Variants in ARHGEF38 observed in about 807,000 individuals in gnomAD.
ARHGEF38 encodes the protein Rho guanine nucleotide exchange factor (GEF) 38.
In ARHGEF38, 79 loss-of-function variants were observed where a neutral mutation model predicts 79.9. The ratio of observed to expected loss-of-function variants is 0.99; its 90% confidence interval spans 0.82 to 1.19. The LOEUF is 1.19. ARHGEF38 is among the 50% of genes most tolerant of loss of function. ARHGEF38 has a pLI of 0.00. For missense variants in ARHGEF38, 962 were observed against 907.2 expected, an observed-to-expected ratio of 1.06 and a Z score of -0.78; for synonymous variants, 366 against 328.3, an observed-to-expected ratio of 1.11 and a Z score of -1.24.
chr4:105,587,321 C>CA (rs1727100892), intron 1 of ARHGEF38, among the ~76,000 whole-genome samples: 1 of 152,044 alleles, frequency 6.6e-6, no homozygotes, highest in South Asian at 2.1e-4. Context: ...AAACAAAAAA[C>CA]AAAAAAACAA....
chr4:105,614,018 C>T (rs905081220), intron 3 of ARHGEF38, among the ~76,000 whole-genome samples: 10 of 151,626 alleles, frequency 6.6e-5, no homozygotes. Flanking sequence ...TATTATTTAC[C>T]TTCCAAATAT....
intron 2 of ARHGEF38, among the ~76,000 whole-genome samples, chr4:105,611,407 C>A (rs559543430): frequency 6.6e-6 from 1 of 151,816 alleles, no homozygotes; most frequent in Non-Finnish European, 1.5e-5. Flanking sequence ...GTTATTATAC[C>A]TTTGTGGATT....
At chr4:105,610,226 A>T (rs1402166523) in intron 2 of ARHGEF38, among the ~76,000 whole-genome samples, 1 of 151,966 alleles carries the variant, frequency 6.6e-6, no homozygotes, top group African/African-American at 2.4e-5. Flanking sequence ...TTGGGAGAGG[A>T]GGGAACTTAG....
At chr4:105,585,892 C>T (rs537686298) in intron 1 of ARHGEF38, among the ~76,000 whole-genome samples, 11 of 151,934 alleles carry the variant, frequency 7.2e-5, no homozygotes, top group South Asian at 2.1e-4. Flanking sequence ...CCACCACACC[C>T]GGCTAATGTT....
At chr4:105,655,784 T>A in intron 9 of ARHGEF38, 62 bp downstream of exon 9, 1 of 1,461,096 alleles carries the variant, frequency 6.8e-7, no homozygotes, top group Non-Finnish European at 9.1e-7. Flanking sequence ...GGAAAGCTGC[T>A]TTTTGTTTGT....
chr4:105,574,503 T>C (rs1726389142), intron 1 of ARHGEF38, among the ~76,000 whole-genome samples: 1 of 143,802 alleles, frequency 7.0e-6, no homozygotes, highest in Non-Finnish European at 1.5e-5. Context: ...TGAGCCGAGA[T>C]GGTGCCATTG....
At chr4:105,578,123 C>G (rs1726593027) in intron 1 of ARHGEF38, among the ~76,000 whole-genome samples, 3 of 152,172 alleles carry the variant, frequency 2.0e-5, no homozygotes, top group South Asian at 4.1e-4. Flanking sequence ...TAACTTGTGT[C>G]ATTATGATCA....
intron 1 of ARHGEF38, among the ~76,000 whole-genome samples, chr4:105,582,653 T>A (rs199326): frequency 0.86 from 131,031 of 152,090 alleles, 56,497 homozygotes; most frequent in South Asian, 0.93. Flanking sequence ...AATGTATTTC[T>A]TCAAGTGTCC....
intron 1 of ARHGEF38, among the ~76,000 whole-genome samples, chr4:105,557,606 A>G: frequency 6.6e-6 from 1 of 151,596 alleles, no homozygotes; most frequent in South Asian, 2.1e-4. Flanking sequence ...CTTAAAAAAA[A>G]AAAAAAAAGG....
chr4:105,651,174 T>A lies in ARHGEF38; in HGVS notation c.1008+2492T>A, dbSNP rs1730088219. On this transcript the variant is annotated intron_variant, in intron 7 of 13. Coordinates refer to ENST00000420470, the MANE Select transcript of ARHGEF38 (RefSeq NM_001242729.2). ...ATATTTCTCAATTGTGAACTAAAAG[T>A]GAATTGTAGTTAAAGTAGCCTGAAG... 2.6e-5 allele frequency among the ~76,000 whole-genome samples: 4 copies of A among 152,294 alleles called. No individual in the cohort carries two copies. The South Asian group carries it at 8.3e-4, about 32-fold the overall frequency.
intron 1 of ARHGEF38, among the ~76,000 whole-genome samples, chr4:105,582,185 C>T (rs1207315171): frequency 1.8e-5 from 2 of 111,348 alleles, no homozygotes; most frequent in Admixed American, 9.1e-5. Context: ...AAAAAAATCT[C>T]GTATTCCTTG....
Position 105,655,381 on chromosome 4 carries a change from G to A in ARHGEF38, c.1114-222G>A, listed in dbSNP as rs117997866. ...ATGGACTGTTTAATCAAAGAGGGTC[G>A]TATACAGAGTACTATGAGAAAGAGA... On this transcript the variant is annotated intron_variant, in intron 8 of 13. Transcript: ENST00000420470. Among the ~76,000 whole-genome samples, 169 of 152,248 alleles carry A rather than the reference G, an allele frequency of 1.1e-3. 2 individuals are homozygous for A. In the East Asian group the frequency reaches 0.025, roughly 22 times the overall value.
At chr4:105,614,235 T>C (rs899494599) in intron 3 of ARHGEF38, among the ~76,000 whole-genome samples, 1 of 152,158 alleles carries the variant, frequency 6.6e-6, no homozygotes, top group African/African-American at 2.4e-5. Flanking sequence ...TAAGAGTTTT[T>C]TAAAATTATC....
chr4:105,607,675 A>G (rs1728109623), intron 2 of ARHGEF38, among the ~76,000 whole-genome samples: 1 of 152,124 alleles, frequency 6.6e-6, no homozygotes, highest in Non-Finnish European at 1.5e-5. Flanking sequence ...ACTAAGGAAC[A>G]GGAAATGTTT....
chr4:105,621,288 G>A (rs938903864), intron 3 of ARHGEF38, among the ~76,000 whole-genome samples: 2 of 152,176 alleles, frequency 1.3e-5, no homozygotes, highest in Non-Finnish European at 2.9e-5. Flanking sequence ...TTGTTACATA[G>A]CAATAAATAA....
chr4:105,679,472 C>A lies in ARHGEF38; in HGVS notation c.*1535C>A, dbSNP rs1374227718. The A allele has an allele frequency of 6.3e-7, 1 of 1,586,576 alleles. No homozygotes were observed. The highest frequency in any genetic ancestry group is 8.6e-7 in the Non-Finnish European group (1 of 1,158,124). On this transcript the variant is annotated 3_prime_UTR_variant, in exon 14 of 14. Coordinates refer to ENST00000420470, the MANE Select transcript of ARHGEF38 (RefSeq NM_001242729.2). ...CCTCTAGGCTTTCCAGAGTCATGGT[C>A]ACAAACCCCTTATCAGAGTTGATTA...
rs1424699794 is a variant in ARHGEF38 at position 105,667,633 on chromosome 4, T to C, written c.2078T>C (p.Leu693Pro). Residue 693 changes from leucine (L) to proline (P), a missense_variant, in exon 13 of 14, where the codon CTT (leucine) becomes CCT (proline). Coordinates refer to ENST00000420470, the MANE Select transcript of ARHGEF38 (RefSeq NM_001242729.2). ...AGCATTGGTGATAGCAGCTCATCTCTTAGTGGCACATGTGGAAAGTTTGAA... is the reference window on the plus strand; with the variant it reads ...AGCATTGGTGATAGCAGCTCATCTCCTAGTGGCACATGTGGAAAGTTTGAA... ...ESSIGDSSSSLSGTCGKFETN... is the reference protein window; with the variant it reads ...ESSIGDSSSSPSGTCGKFETN... 6.5e-7 allele frequency: 1 copy of C among 1,536,632 alleles called. No homozygotes were observed. The highest frequency in any genetic ancestry group is 2.4e-5 in the East Asian group (1 of 40,922).
At chr4:105,584,326 ATAT>A (rs968452855) in intron 1 of ARHGEF38, among the ~76,000 whole-genome samples, 1 of 152,262 alleles carries the variant, frequency 6.6e-6, no homozygotes, top group African/African-American at 2.4e-5. Context: ...AGTAAAAATA[ATAT>A]TACAATTAAT....
At chr4:105,676,790 G>A (rs1731138599) in intron 13 of ARHGEF38, among the ~76,000 whole-genome samples, 1 of 151,770 alleles carries the variant, frequency 6.6e-6, no homozygotes, top group Non-Finnish European at 1.5e-5. Context: ...AATAAAGAAG[G>A]GAACAAGGAA....
Sources: gnomAD v4.1 joint callset for allele counts (sites outside exome capture counted in the v4.1 genomes callset) on GRCh38, gnomAD v4.1.1 for gene constraint, MANE v1.5 for transcripts, NCBI Gene and HGNC (gene_info 2026-07-23, HGNC 2026-07-21) for gene names.